TTLL11: variants seen among roughly 807,000 people sequenced by gnomAD.
TTLL11 encodes tubulin polyglutamylase TTLL11.
In TTLL11, 42 loss-of-function variants were observed where a neutral mutation model predicts 51.7. The observed-to-expected ratio is 0.81, with a 90% CI of 0.64 to 1.05. The LOEUF (loss-of-function observed/expected upper bound fraction) is 1.05, where lower values mean the gene tolerates loss of function less well. Ranked by LOEUF, TTLL11 falls within the 50% of genes least tolerant of loss-of-function variation. TTLL11 has a pLI of 0.00. For missense variants in TTLL11, 799 were observed against 940.4 expected, an observed-to-expected ratio of 0.85 and a Z score of 1.97; for synonymous variants, 381 against 383.5, an observed-to-expected ratio of 0.99 and a Z score of 0.08.
chr9:121,891,192 A>C (rs1839218126), intron 6 of TTLL11, among the ~76,000 whole-genome samples: 4 of 152,210 alleles, frequency 2.6e-5, no homozygotes, highest in Admixed American at 1.3e-4. Context: ...GACCTTGCTC[A>C]CACTGGGATT....
Position 121,818,760 on chromosome 9 carries a change from C to G in TTLL11, c.*3827G>C, listed in dbSNP as rs565531348. Reference sequence around the variant, plus strand: ...GAAATAGCACATCCTCCTCCTGTCTCATGACAACAGATACAAACAGTCCTG... The same window carrying G: ...GAAATAGCACATCCTCCTCCTGTCTGATGACAACAGATACAAACAGTCCTG... On this transcript the variant is annotated 3_prime_UTR_variant, in exon 9 of 9. Coordinates refer to ENST00000321582, the MANE Select transcript of TTLL11 (RefSeq NM_001139442.2). 6.6e-6 allele frequency: 1 copy of G among 152,388 alleles called. No homozygotes were observed. Among genetic ancestry groups the G allele is most frequent in the Non-Finnish European group, 1.5e-5 (1 of 68,174 alleles). The allele number at this position is 152,388 out of a possible 1,614,324, so 9.4% of individuals were successfully genotyped here.
intron 3 of TTLL11, among the ~76,000 whole-genome samples, chr9:121,999,663 T>C (rs946343977): frequency 6.6e-6 from 1 of 152,202 alleles, no homozygotes; most frequent in African/African-American, 2.4e-5. Context: ...TAAGCAACCC[T>C]GTGAGATAGG....
intron 3 of TTLL11, among the ~76,000 whole-genome samples, chr9:122,011,136 TCTC>T (rs1456656296): frequency 6.6e-6 from 1 of 152,158 alleles, no homozygotes; most frequent in East Asian, 1.9e-4. Flanking sequence ...ACAAGGAGTT[TCTC>T]CTTTCTCATG....
intron 6 of TTLL11, among the ~76,000 whole-genome samples, chr9:121,916,163 A>ACAATGAT (rs1840318742): frequency 6.6e-6 from 1 of 152,320 alleles, no homozygotes; most frequent in Admixed American, 6.5e-5. Flanking sequence ...GGCCATAGAA[A>ACAATGAT]CAATGATGTC....
chr9:122,053,290 T>A (rs1421800116), intron 1 of TTLL11, among the ~76,000 whole-genome samples: 1 of 152,088 alleles, frequency 6.6e-6, no homozygotes, highest in Non-Finnish European at 1.5e-5. Flanking sequence ...TGAGAAAAGC[T>A]TAACCAAGGA....
intron 6 of TTLL11, among the ~76,000 whole-genome samples, chr9:121,946,160 T>C (rs545883169): frequency 6.6e-6 from 1 of 152,192 alleles, no homozygotes; most frequent in African/African-American, 2.4e-5. Flanking sequence ...ATAATGACAA[T>C]ATAATACAGG....
chr9:122,063,307 C>T (rs1372817622), intron 1 of TTLL11, among the ~76,000 whole-genome samples: 1 of 152,084 alleles, frequency 6.6e-6, no homozygotes, highest in African/African-American at 2.4e-5. Flanking sequence ...ACTTCAAAAT[C>T]GACCTATTTG....
chr9:122,014,721 G>C (rs1843913996), intron 3 of TTLL11, among the ~76,000 whole-genome samples: 1 of 152,162 alleles, frequency 6.6e-6, no homozygotes, highest in Non-Finnish European at 1.5e-5. Context: ...CCAGCTACAT[G>C]AACCTATAGG....
At chr9:122,031,155 T>C (rs1844528242) in intron 3 of TTLL11, among the ~76,000 whole-genome samples, 1 of 152,184 alleles carries the variant, frequency 6.6e-6, no homozygotes, top group Non-Finnish European at 1.5e-5. Context: ...AAAATGGCAG[T>C]TCTGAGTTCC....
intron 1 of TTLL11, among the ~76,000 whole-genome samples, chr9:122,041,272 C>T (rs368999338): frequency 1.3e-5 from 2 of 152,330 alleles, no homozygotes; most frequent in African/African-American, 4.8e-5. Flanking sequence ...AATCCTACCT[C>T]TTTTTAAGCT....
intron 3 of TTLL11, among the ~76,000 whole-genome samples, chr9:122,018,677 G>T (rs1844068378): frequency 6.6e-6 from 1 of 152,206 alleles, no homozygotes; most frequent in Admixed American, 6.5e-5. Flanking sequence ...TCCAGCAAAT[G>T]ACTACTGTGG....
chr9:121,882,695 T>A (rs538014977), intron 6 of TTLL11, among the ~76,000 whole-genome samples: 1 of 152,224 alleles, frequency 6.6e-6, no homozygotes, highest in African/African-American at 2.4e-5. Context: ...CCTCTCTGTG[T>A]CTGGGATGCC....
chr9:121,923,335 T>C (rs1437469642), intron 6 of TTLL11, among the ~76,000 whole-genome samples: 4 of 152,220 alleles, frequency 2.6e-5, no homozygotes, highest in African/African-American at 9.6e-5. Flanking sequence ...TCGAATAGCT[T>C]GTACGTTACA....
chr9:121,980,834 A>T (rs1266868940), intron 4 of TTLL11, among the ~76,000 whole-genome samples: 2 of 152,252 alleles, frequency 1.3e-5, no homozygotes, highest in Non-Finnish European at 2.9e-5. Context: ...GCAGCCATAA[A>T]AAAGGGAGGC....
intron 8 of TTLL11, among the ~76,000 whole-genome samples, chr9:121,854,188 G>A (rs140923052): frequency 1.1e-3 from 169 of 152,272 alleles, no homozygotes; most frequent in African/African-American, 3.9e-3. Context: ...GGAGACTGTG[G>A]CTTTGGGTAT....
Position 121,871,286 on chromosome 9 carries a change from C to T in TTLL11, c.1482-538G>A, listed in dbSNP as rs532351652. Among the ~76,000 whole-genome samples, 12 of 151,778 alleles carry T rather than the reference C, an allele frequency of 7.9e-5. No individual in the cohort carries two copies. The South Asian group carries it at 1.9e-3, about 24-fold the overall frequency. Reference sequence around the variant, plus strand: ...GATTATAGTGTAGTGATTCCTTAGTCTGGATATTCAGAAATTATTTTGATA... The same window carrying T: ...GATTATAGTGTAGTGATTCCTTAGTTTGGATATTCAGAAATTATTTTGATA... On this transcript the variant is annotated intron_variant, in intron 6 of 8. Coordinates refer to ENST00000321582, the MANE Select transcript of TTLL11 (RefSeq NM_001139442.2).
chr9:122,074,972 G>C (rs762493932), intron 1 of TTLL11, among the ~76,000 whole-genome samples: 2 of 151,812 alleles, frequency 1.3e-5, no homozygotes, highest in Non-Finnish European at 2.9e-5. Flanking sequence ...ACATTTGATA[G>C]ATGATTGATG....
chr9:121,956,002 T>C (rs191785819), intron 6 of TTLL11, among the ~76,000 whole-genome samples: 1 of 151,638 alleles, frequency 6.6e-6, no homozygotes, highest in East Asian at 1.9e-4. Flanking sequence ...AATAATTAAG[T>C]GGTTAAAATC....
chr9:122,047,514 C>T (rs915515846), intron 1 of TTLL11, among the ~76,000 whole-genome samples: 17 of 151,818 alleles, frequency 1.1e-4, no homozygotes, highest in Non-Finnish European at 5.9e-5. Flanking sequence ...TGGAGCATGC[C>T]CCCACCCCCT....
Sources: gnomAD v4.1 joint callset for allele counts (sites outside exome capture counted in the v4.1 genomes callset) on GRCh38, gnomAD v4.1.1 for gene constraint, MANE v1.5 for transcripts, NCBI Gene and HGNC (gene_info 2026-07-23, HGNC 2026-07-21) for gene names.